The following SPINK5 variants were observed in gnomAD, a reference collection of about 807,000 sequenced individuals.
SPINK5 encodes the protein serine protease inhibitor Kazal-type 5.
Under a neutral mutation model 151.8 loss-of-function variants are expected in SPINK5, and 125 were observed. That is an observed-to-expected ratio of 0.82 (90% confidence interval 0.71 to 0.96). The LOEUF (loss-of-function observed/expected upper bound fraction) is 0.96. SPINK5 is among the 40% of genes least tolerant of loss of function. The probability of loss-of-function intolerance (pLI) is 0.00; values close to 1 mark genes in which losing one functional copy is unlikely to be tolerated. For missense variants in SPINK5, 1,194 were observed against 1,291.9 expected (o/e 0.92, Z 1.16); for synonymous variants, 374 against 395.3 (o/e 0.95, Z 0.64).
chr5:148,116,807 C>A (rs1477378540), intron 22 of SPINK5, among the ~76,000 whole-genome samples: 1 of 152,098 alleles, frequency 6.6e-6, no homozygotes, highest in Admixed American at 6.6e-5. Context: ...TGGACAGAGC[C>A]ACTTTTTTTA....
chr5:148,114,630 C>A (rs766282280), intron 21 of SPINK5, 141 bp downstream of exon 21: 19 of 1,268,556 alleles, frequency 1.5e-5, no homozygotes, highest in Non-Finnish European at 2.0e-5. Context: ...TGAAATAAAT[C>A]TTTTCTTTAT....
chr5:148,092,445 T>G (rs1380737211), intron 8 of SPINK5, among the ~76,000 whole-genome samples: 1 of 151,946 alleles, frequency 6.6e-6, no homozygotes, highest in Non-Finnish European at 1.5e-5. Flanking sequence ...AACATTTTAT[T>G]ACTTCATAAA....
intron 30 of SPINK5, among the ~76,000 whole-genome samples, chr5:148,128,592 G>A (rs1006282086): frequency 3.3e-5 from 5 of 152,176 alleles, no homozygotes; most frequent in South Asian, 4.2e-4. Flanking sequence ...GCAGTGGCGC[G>A]ATCTCGGCTC....
intron 26 of SPINK5, 67 bp from the exon 27 acceptor site, chr5:148,123,766 C>A: frequency 1.2e-6 from 2 of 1,605,762 alleles, no homozygotes; most frequent in South Asian, 2.2e-5. Flanking sequence ...TCTAATCGGT[C>A]AATCATGTTA....
At chr5:148,126,956 T>C (rs779864777) in intron 29 of SPINK5, 27 bp from the exon 30 acceptor site, 11 of 1,547,440 alleles carry the variant, frequency 7.1e-6, no homozygotes, top group Non-Finnish European at 8.8e-6. Flanking sequence ...TTTCTTATTT[T>C]AAATTATTTT....
intron 12 of SPINK5, among the ~76,000 whole-genome samples, chr5:148,100,251 T>C (rs1753600476): frequency 6.6e-6 from 1 of 152,182 alleles, no homozygotes; most frequent in African/African-American, 2.4e-5. Context: ...TATGGGGACA[T>C]TGTGCTATGT....
chr5:148,080,575 G>C (rs1276633127), intron 4 of SPINK5, among the ~76,000 whole-genome samples: 2 of 151,294 alleles, frequency 1.3e-5, no homozygotes, highest in Admixed American at 1.3e-4. Flanking sequence ...TCAAGGTAAT[G>C]CTGAGAAAAT....
chr5:148,124,393 ACAAT>A (rs1483942575), intron 27 of SPINK5, among the ~76,000 whole-genome samples: 1 of 152,250 alleles, frequency 6.6e-6, no homozygotes, highest in African/African-American at 2.4e-5. Flanking sequence ...TATGTAAATA[ACAAT>A]CAATATTGTG....
At chr5:148,113,045 A>C in intron 20 of SPINK5, 111 bp downstream of exon 20, 4 of 1,527,014 alleles carry the variant, frequency 2.6e-6, no homozygotes, top group Non-Finnish European at 3.5e-6. Flanking sequence ...CTAGGGGTTC[A>C]TTTAGTCCAG....
intron 32 of SPINK5, among the ~76,000 whole-genome samples, chr5:148,134,645 C>T (rs77254922): frequency 1.1e-3 from 165 of 152,042 alleles, no homozygotes; most frequent in African/African-American, 3.7e-3. Context: ...ATTATTATGC[C>T]TAAGACCAAA....
chr5:148,136,855 A>T, intron 32 of SPINK5, 128 bp from the exon 33 acceptor site: 1 of 1,227,484 alleles, frequency 8.1e-7, no homozygotes, highest in Non-Finnish European at 1.2e-6. Flanking sequence ...GTGATTTTAA[A>T]TTGCTACTTC....
At chr5:148,128,606 G>A (rs1466204366) in intron 30 of SPINK5, among the ~76,000 whole-genome samples, 2 of 152,084 alleles carry the variant, frequency 1.3e-5, no homozygotes, top group African/African-American at 4.8e-5. Context: ...TCGGCTCACT[G>A]CAAGCTCCGC....
chr5:148,096,476 T>G (rs756522410), intron 10 of SPINK5, among the ~76,000 whole-genome samples: 1 of 152,026 alleles, frequency 6.6e-6, no homozygotes. Context: ...TCCTCCATGT[T>G]GTTTTCATAT....
chr5:148,122,932 T>C (rs1395113187), intron 26 of SPINK5, among the ~76,000 whole-genome samples: 7 of 151,524 alleles, frequency 4.6e-5, no homozygotes, highest in African/African-American at 1.7e-4. Flanking sequence ...CGTGTTTTTA[T>C]GTTTTGCCAG....
chr5:148,101,510 G>A, intron 14 of SPINK5, 74 bp downstream of exon 14: 1 of 1,237,918 alleles, frequency 8.1e-7, no homozygotes, highest in Non-Finnish European at 1.2e-6. Flanking sequence ...GGGAACACGT[G>A]CATTCCTTAA....
rs779936876 is a variant in SPINK5 at position 148,099,264 on chromosome 5, T to A, written c.1041T>A (p.Ala347=). 6 of 1,612,058 alleles carry A rather than the reference T, an allele frequency of 3.7e-6. No homozygotes were observed. The highest frequency in any genetic ancestry group is 5.1e-6 in the Non-Finnish European group (6 of 1,178,940). Residue 347 remains alanine (A), a synonymous_variant, in exon 12 of 33, where the codon GCT becomes GCA. Coordinates refer to ENST00000256084, the MANE Select transcript of SPINK5 (RefSeq NM_006846.4). ...FQAENEEKKK[A]EARARNKRES... ...CAGAAAATGAAGAAAAGAAAAAGGC[T>A]GAAGCACGAGCTAGAAACAAAAGAG...
At chr5:148,069,079 C>T (rs1285777078) in intron 2 of SPINK5, among the ~76,000 whole-genome samples, 2 of 151,566 alleles carry the variant, frequency 1.3e-5, no homozygotes, top group Non-Finnish European at 1.5e-5. Flanking sequence ...CCAGCCTGGG[C>T]GATAGAGCAA....
chr5:148,121,592 A>G (rs891564684), intron 26 of SPINK5, among the ~76,000 whole-genome samples: 15 of 151,856 alleles, frequency 9.9e-5, no homozygotes, highest in Non-Finnish European at 2.2e-4. Context: ...TATGATCCTT[A>G]TTTAAAAAAT....
chr5:148,096,009 A>C, intron 10 of SPINK5, 104 bp downstream of exon 10: 2 of 910,574 alleles, frequency 2.2e-6, no homozygotes, highest in Non-Finnish European at 3.6e-6. Flanking sequence ...ATATTGTTTA[A>C]TATTTTCCAC....
Sources: gnomAD v4.1 joint callset for allele counts (sites outside exome capture counted in the v4.1 genomes callset) on GRCh38, gnomAD v4.1.1 for gene constraint, MANE v1.5 for transcripts, NCBI Gene and HGNC (gene_info 2026-07-23, HGNC 2026-07-21) for gene names.